Variants in SLC12A8 observed in about 807,000 individuals in gnomAD.
SLC12A8 encodes the protein solute carrier family 12 member 8.
SLC12A8 carries 69 observed loss-of-function variants against 75.6 expected under a neutral mutation model. The observed-to-expected ratio is 0.91, with a 90% CI of 0.75 to 1.11. The LOEUF (loss-of-function observed/expected upper bound fraction) is 1.11. Ranked by LOEUF, SLC12A8 falls within the 50% of genes most tolerant of loss-of-function variation. The pLI, the probability that SLC12A8 is intolerant of heterozygous loss-of-function variation, is 0.00. For missense variants in SLC12A8, 877 were observed against 896.7 expected (o/e 0.98, Z 0.28); for synonymous variants, 365 against 372.8 (o/e 0.98, Z 0.24).
intron 2 of SLC12A8, among the ~76,000 whole-genome samples, chr3:125,209,840 T>C (rs1192055358): frequency 6.6e-6 from 1 of 152,160 alleles, no homozygotes; most frequent in Non-Finnish European, 1.5e-5. Flanking sequence ...AGCAGAGGGG[T>C]CAAATGCACA....
intron 2 of SLC12A8, among the ~76,000 whole-genome samples, chr3:125,202,720 A>G (rs1249494018): frequency 6.6e-6 from 1 of 151,876 alleles, no homozygotes; most frequent in Non-Finnish European, 1.5e-5. Flanking sequence ...AACCTCTACA[A>G]TGAGAACTAC....
chr3:125,124,801 A>T (rs1194123182), intron 6 of SLC12A8, among the ~76,000 whole-genome samples: 1 of 151,540 alleles, frequency 6.6e-6, no homozygotes, highest in Non-Finnish European at 1.5e-5. Context: ...TGTCTGTGTT[A>T]AGTGTCACAG....
chr3:125,107,399 C>T, intron 10 of SLC12A8, 82 bp downstream of exon 10: 1 of 1,290,470 alleles, frequency 7.7e-7, no homozygotes. Flanking sequence ...CCAGTTATAA[C>T]TGGTTCACAA....
chr3:125,110,183 A>C lies in SLC12A8; in HGVS notation c.1059+6T>G, dbSNP rs1394134132. On this transcript the variant is annotated splice_donor_region_variant and intron_variant, in intron 9 of 13. Transcript: ENST00000469902. ...AAAAACAAACCAAAAAAAGAGGATT[A>C]CTCACCCCTTGTCCCAGACAGGCAA... 2 of 1,608,120 alleles carry C rather than the reference A, an allele frequency of 1.2e-6. No individual in the cohort carries two copies. The highest frequency in any genetic ancestry group is 1.7e-6 in the Non-Finnish European group (2 of 1,176,336).
At chr3:125,198,348 A>T (rs1935045964) in intron 2 of SLC12A8, among the ~76,000 whole-genome samples, 1 of 151,936 alleles carries the variant, frequency 6.6e-6, no homozygotes, top group Non-Finnish European at 1.5e-5. Flanking sequence ...AGATTGTCAC[A>T]ACTGGCCAGG....
chr3:125,179,743 CAG>C (rs1340669101), intron 4 of SLC12A8, among the ~76,000 whole-genome samples: 4 of 151,156 alleles, frequency 2.6e-5, no homozygotes, highest in African/African-American at 9.8e-5. Context: ...AAGAGAAAGA[CAG>C]AGAGACTAAT....
chr3:125,181,018 T>C (rs1560078060), intron 4 of SLC12A8, among the ~76,000 whole-genome samples: 1 of 152,146 alleles, frequency 6.6e-6, no homozygotes, highest in Non-Finnish European at 1.5e-5. Flanking sequence ...TGTGTCTTGG[T>C]TGAGAAGTGT....
intron 5 of SLC12A8, among the ~76,000 whole-genome samples, chr3:125,141,501 TA>T (rs1298465333): frequency 1.3e-5 from 2 of 152,224 alleles, no homozygotes; most frequent in African/African-American, 4.8e-5. Context: ...AGGCGGCTGC[TA>T]GGGGCTCTGG....
intron 8 of SLC12A8, among the ~76,000 whole-genome samples, chr3:125,115,510 CA>C (rs1039126056): frequency 6.7e-6 from 1 of 148,674 alleles, no homozygotes; most frequent in African/African-American, 2.5e-5. Flanking sequence ...GCAACAAGAG[CA>C]AAACTCCATC....
Position 125,107,686 on chromosome 3 carries a change from G to A in SLC12A8, c.1500C>T (p.Thr500=), listed in dbSNP as rs547023543. The A allele has an allele frequency of 2.5e-6, 4 of 1,614,110 alleles. No individual in the cohort carries two copies. The African/African-American group carries it at 4.0e-5, about 16-fold the overall frequency. The change falls in exon 10 of 14, where the codon ACC becomes ACT. Residue 500 remains threonine, a synonymous_variant. Transcript: ENST00000469902. ...KRKSKKATKQ[T]LQDSFLLDLK... ...GGTCCAAGAGGAAGCTATCTTGTAG[G>A]GTCTGCTTGGTGGCCTTCTTGCTTT... is the stretch of plus-strand genomic sequence containing the variant.
intron 10 of SLC12A8, among the ~76,000 whole-genome samples, chr3:125,106,032 G>T (rs1279392916): frequency 6.6e-6 from 1 of 152,120 alleles, no homozygotes; most frequent in Admixed American, 6.5e-5. Flanking sequence ...GATGATGTCA[G>T]AAACTGACAT....
At chr3:125,203,799 C>T (rs751894570) in intron 2 of SLC12A8, among the ~76,000 whole-genome samples, 1 of 152,166 alleles carries the variant, frequency 6.6e-6, no homozygotes, top group Non-Finnish European at 1.5e-5. Context: ...GAAAAGACAA[C>T]CTGTAGAATG....
intron 5 of SLC12A8, among the ~76,000 whole-genome samples, 158 bp from the exon 6 acceptor site, chr3:125,135,940 C>T (rs943972214): frequency 2.0e-5 from 3 of 152,102 alleles, no homozygotes; most frequent in African/African-American, 7.2e-5. Context: ...GAACCATCTA[C>T]CTTCCCACTT....
intron 6 of SLC12A8, among the ~76,000 whole-genome samples, chr3:125,127,383 C>G (rs181078656): frequency 3.5e-4 from 53 of 152,292 alleles, no homozygotes; most frequent in African/African-American, 1.2e-3. Context: ...GGATGAGGGG[C>G]GGCACCAACA....
chr3:125,162,640 T>G (rs1934199909), intron 5 of SLC12A8, among the ~76,000 whole-genome samples: 1 of 152,226 alleles, frequency 6.6e-6, no homozygotes, highest in Admixed American at 6.5e-5. Context: ...ACATGGTAAT[T>G]GGCCTATGTT....
chr3:125,139,398 A>G (rs925090445), intron 5 of SLC12A8, among the ~76,000 whole-genome samples: 7 of 152,076 alleles, frequency 4.6e-5, no homozygotes, highest in Non-Finnish European at 1.0e-4. Context: ...TTTCCAGTGG[A>G]CAACAAGGAG....
intron 10 of SLC12A8, among the ~76,000 whole-genome samples, chr3:125,093,929 C>G (rs1249883327): frequency 6.6e-6 from 1 of 152,148 alleles, no homozygotes; most frequent in Non-Finnish European, 1.5e-5. Flanking sequence ...ATATTTCAGC[C>G]CCTGGTTCAC....
chr3:125,208,791 C>CACAGAGAG (rs1368605617), intron 2 of SLC12A8, among the ~76,000 whole-genome samples: 5 of 84,182 alleles, frequency 5.9e-5, no homozygotes, highest in Non-Finnish European at 1.2e-4. Flanking sequence ...CACACACACA[C>CACAGAGAG]AGAGAGAGAG....
At chr3:125,142,336 G>T (rs1933669975) in intron 5 of SLC12A8, among the ~76,000 whole-genome samples, 1 of 152,228 alleles carries the variant, frequency 6.6e-6, no homozygotes, top group Non-Finnish European at 1.5e-5. Flanking sequence ...AACACAGCAG[G>T]CCTGGCCTCC....
Sources: gnomAD v4.1 joint callset for allele counts (sites outside exome capture counted in the v4.1 genomes callset) on GRCh38, gnomAD v4.1.1 for gene constraint, MANE v1.5 for transcripts, NCBI Gene and HGNC (gene_info 2026-07-23, HGNC 2026-07-21) for gene names.